SCAND3: variants seen among roughly 807,000 people sequenced by gnomAD.
The protein encoded by SCAND3 is SCAN domain-containing protein 3.
the SCAND3 span, chr6:28,586,379 C>T: frequency 6.2e-7 from 1 of 1,614,160 alleles, no homozygotes; most frequent in East Asian, 2.2e-5. The surrounding 1 kb of genome is among the most constrained non-coding windows in gnomAD (Gnocchi z 4.4). Context: ...GATTATGCTC[C>T]CGCACCCAAG....
At chr6:28,606,005 G>A in the SCAND3 span, among the ~76,000 whole-genome samples, 1 of 152,136 alleles carries the variant, frequency 6.6e-6, no homozygotes, top group Non-Finnish European at 1.5e-5. Context: ...TCCTATATGA[G>A]AGGAAAACAT....
the SCAND3 span, chr6:28,571,165 T>C: frequency 6.6e-6 from 1 of 152,042 alleles, no homozygotes; most frequent in Non-Finnish European, 1.5e-5. Flanking sequence ...AATACAAAAA[T>C]TAGCCAGGCA....
At chr6:28,583,999 C>A in the SCAND3 span, among the ~76,000 whole-genome samples, 1 of 152,290 alleles carries the variant, frequency 6.6e-6, no homozygotes, top group African/African-American at 2.4e-5. Flanking sequence ...GCTTTGGAAT[C>A]ATAAATTAAA....
chr6:28,573,475 T>C, the SCAND3 span: 35 of 1,614,022 alleles, frequency 2.2e-5, no homozygotes, highest in Non-Finnish European at 2.7e-5. Context: ...CTGCTTTGGT[T>C]GGCTTTTCAA....
At chr6:28,607,337 G>A in the SCAND3 span, among the ~76,000 whole-genome samples, 1 of 152,012 alleles carries the variant, frequency 6.6e-6, no homozygotes, top group African/African-American at 2.4e-5. Context: ...CTGCTTGTCT[G>A]TACAGCCTTT....
At chr6:28,573,254 G>A in the SCAND3 span, 1 of 1,614,076 alleles carries the variant, frequency 6.2e-7, no homozygotes, top group Non-Finnish European at 8.5e-7. Flanking sequence ...GCCAGTTCCT[G>A]AATACGTCGA....
chr6:28,614,025 G>A, the SCAND3 span, among the ~76,000 whole-genome samples: 3 of 150,928 alleles, frequency 2.0e-5, no homozygotes, highest in Non-Finnish European at 2.9e-5. Context: ...GCGCAATGGC[G>A]TGATCTTGGC....
the SCAND3 span, among the ~76,000 whole-genome samples, chr6:28,580,867 A>G: frequency 7.2e-6 from 1 of 138,280 alleles, no homozygotes; most frequent in Non-Finnish European, 1.5e-5. Context: ...GCTGGACTAG[A>G]CCAAAATGGG....
At chr6:28,593,312 C>A in the SCAND3 span, among the ~76,000 whole-genome samples, 1 of 151,898 alleles carries the variant, frequency 6.6e-6, no homozygotes. Context: ...AAAAGATGCT[C>A]AGCATCACTA....
At chr6:28,605,498 G>A in the SCAND3 span, among the ~76,000 whole-genome samples, 1 of 152,052 alleles carries the variant, frequency 6.6e-6, no homozygotes, top group African/African-American at 2.4e-5. Context: ...CCTGAGCCTA[G>A]TCATGCGAAA....
At chr6:28,612,545 T>C in the SCAND3 span, among the ~76,000 whole-genome samples, 1 of 152,182 alleles carries the variant, frequency 6.6e-6, no homozygotes, top group African/African-American at 2.4e-5. Context: ...ATAAAACCCT[T>C]TGCACTTTCT....
the SCAND3 span, chr6:28,593,549 C>T: frequency 1.3e-5 from 2 of 152,196 alleles, no homozygotes; most frequent in African/African-American, 4.8e-5. Context: ...GTGGTACGCA[C>T]CTCTAATCCC....
At chr6:28,602,639 A>T in the SCAND3 span, among the ~76,000 whole-genome samples, 2 of 152,160 alleles carry the variant, frequency 1.3e-5, no homozygotes, top group African/African-American at 4.8e-5. Context: ...TCATATGTGT[A>T]TTAGTCTAGT....
At chr6:28,601,196 C>G in the SCAND3 span, among the ~76,000 whole-genome samples, 1 of 152,148 alleles carries the variant, frequency 6.6e-6, no homozygotes, top group African/African-American at 2.4e-5. Flanking sequence ...TGAGCCACGG[C>G]GCCCGGCCAC....
the SCAND3 span, among the ~76,000 whole-genome samples, chr6:28,607,206 G>A: frequency 2.0e-5 from 3 of 152,126 alleles, no homozygotes; most frequent in African/African-American, 7.2e-5. Flanking sequence ...CGAGGTCCCG[G>A]GTTCAATCCC....
chr6:28,575,691 T>C, the SCAND3 span: 3 of 1,614,190 alleles, frequency 1.9e-6, no homozygotes, highest in Non-Finnish European at 2.5e-6. The surrounding 1 kb of genome is among the most constrained non-coding windows in gnomAD (Gnocchi z 4.2). Flanking sequence ...TAACTTCTTT[T>C]GTGATGTTCT....
At chr6:28,585,503 A>G in the SCAND3 span, among the ~76,000 whole-genome samples, 1 of 152,196 alleles carries the variant, frequency 6.6e-6, no homozygotes, top group Non-Finnish European at 1.5e-5. Flanking sequence ...GGCCCCAAAC[A>G]TCAACTTGCT....
At chr6:28,579,473 T>C in the SCAND3 span, 4 of 1,474,000 alleles carry the variant, frequency 2.7e-6, no homozygotes, top group Admixed American at 2.0e-5. This position sits in a 1 kb window ranked among gnomAD's most constrained non-coding sequence, Gnocchi z 4.5. Flanking sequence ...TAGTTTGTCA[T>C]AGCTAAACTT....
the SCAND3 span, chr6:28,587,629 A>T: frequency 6.6e-6 from 1 of 152,114 alleles, no homozygotes; most frequent in East Asian, 1.9e-4. Context: ...ATCCCTAAGG[A>T]CTACCACGTC....
Sources: gnomAD v4.1 joint callset for allele counts (sites outside exome capture counted in the v4.1 genomes callset) on GRCh38, gnomAD v4.1.1 for gene constraint, Gnocchi (gnomAD v3.1) non-coding constraint, MANE v1.5 for transcripts, NCBI Gene and HGNC (gene_info 2026-07-23, HGNC 2026-07-21) for gene names.